Variants in ARL6 observed in about 807,000 individuals in gnomAD.
ARL6 encodes ARF like GTPase 6, also known as ADP-ribosylation factor-like protein 6.
A neutral mutation model predicts 27.1 loss-of-function variants in ARL6; 18 were observed. The observed-to-expected ratio is 0.66, with a 90% CI of 0.46 to 0.98. The LOEUF (loss-of-function observed/expected upper bound fraction) is 0.98. Ranked by LOEUF, ARL6 falls within the 50% of genes least tolerant of loss-of-function variation. The probability of loss-of-function intolerance (pLI) is 0.00; values close to 1 mark genes in which losing one functional copy is unlikely to be tolerated. For missense variants in ARL6, 187 were observed against 214.9 expected (o/e 0.87, Z 0.81); for synonymous variants, 65 against 72.3 (o/e 0.90, Z 0.51).
chr3:97,772,596 T>C (rs1270896458), intron 2 of ARL6, among the ~76,000 whole-genome samples: 1 of 151,752 alleles, frequency 6.6e-6, no homozygotes, highest in African/African-American at 2.4e-5. Flanking sequence ...AGGTGCATCA[T>C]TGGGTTATTT....
intron 1 of ARL6, among the ~76,000 whole-genome samples, chr3:97,766,300 A>G (rs962267844): frequency 6.6e-6 from 1 of 152,230 alleles, no homozygotes; most frequent in African/African-American, 2.4e-5. Context: ...ATCAAATGGT[A>G]TGTGTGAATT....
chr3:97,791,886 C>T, intron 7 of ARL6, 60 bp downstream of exon 7: 2 of 1,438,920 alleles, frequency 1.4e-6, no homozygotes, highest in Non-Finnish European at 1.9e-6. Flanking sequence ...ATATTTTTAT[C>T]TTTTTTTACA....
intron 7 of ARL6, among the ~76,000 whole-genome samples, chr3:97,796,452 A>G (rs72934164): frequency 0.086 from 13,023 of 152,122 alleles, 1,798 homozygotes; most frequent in African/African-American, 0.29. Flanking sequence ...GACAAAGAAT[A>G]GAAAATTTGA....
At chr3:97,785,430 C>T (rs958105491) in intron 5 of ARL6, among the ~76,000 whole-genome samples, 1 of 125,546 alleles carries the variant, frequency 8.0e-6, no homozygotes, top group African/African-American at 2.6e-5. Flanking sequence ...TCATGCATTT[C>T]TCTATGTGTA....
chr3:97,789,014 A>G (rs1011334099), intron 6 of ARL6, among the ~76,000 whole-genome samples: 2 of 152,268 alleles, frequency 1.3e-5, no homozygotes, highest in Middle Eastern at 3.4e-3. Context: ...CACTGCCACA[A>G]GAAGGGTGAA....
At chr3:97,781,348 G>A (rs2037190096) in intron 4 of ARL6, among the ~76,000 whole-genome samples, 1 of 144,850 alleles carries the variant, frequency 6.9e-6, no homozygotes. Flanking sequence ...CTTGGGTTCT[G>A]CATTCCTGGA....
rs79026360 is a variant in ARL6, at chr3:97,795,196, C to T, written c.536-2828C>T. Among the ~76,000 whole-genome samples, 4 of 152,264 alleles carry T rather than the reference C, an allele frequency of 2.6e-5. No individual in the cohort carries two copies. In the East Asian group the frequency reaches 7.7e-4, roughly 29 times the overall value. ...CTCAATAATCGTGTATGTAGAATAA[C>T]CCAAAGACAAGAACACTGAATAGAC... On this transcript the variant is annotated intron_variant, in intron 7 of 7. Transcript: ENST00000463745.
chr3:97,773,789 T>G (rs556521046), intron 2 of ARL6, among the ~76,000 whole-genome samples: 1 of 152,378 alleles, frequency 6.6e-6, no homozygotes, highest in African/African-American at 2.4e-5. Context: ...TTTGTTTCTG[T>G]AACTGGTCAT....
At chr3:97,774,502 G>T (rs1034520835) in intron 2 of ARL6, among the ~76,000 whole-genome samples, 2 of 152,076 alleles carry the variant, frequency 1.3e-5, no homozygotes, top group Non-Finnish European at 2.9e-5. Flanking sequence ...CAGCATGGGT[G>T]GGGGAGGGGA....
At chr3:97,788,305 T>G (rs1328047757) in intron 6 of ARL6, among the ~76,000 whole-genome samples, 186 bp downstream of exon 6, 1 of 152,200 alleles carries the variant, frequency 6.6e-6, no homozygotes, top group East Asian at 1.9e-4. Flanking sequence ...AAAACCTTTT[T>G]CAAATTTTTG....
chr3:97,796,299 T>C (rs2108106267), intron 7 of ARL6, among the ~76,000 whole-genome samples: 1 of 152,086 alleles, frequency 6.6e-6, no homozygotes, highest in Non-Finnish European at 1.5e-5. Context: ...GTTACTTTCA[T>C]GAATAAAGGC....
chr3:97,786,280 G>A (rs897723729), intron 5 of ARL6, among the ~76,000 whole-genome samples: 11 of 151,880 alleles, frequency 7.2e-5, no homozygotes, highest in African/African-American at 2.7e-4. Context: ...GGAAGGTGGA[G>A]GTTGCAGTGA....
chr3:97,779,559 C>T (rs36022509), intron 2 of ARL6, among the ~76,000 whole-genome samples: 6 of 152,060 alleles, frequency 3.9e-5, no homozygotes, highest in African/African-American at 1.2e-4. Flanking sequence ...TACAAACTCA[C>T]GTATGTGTTG....
At chr3:97,786,344 A>G (rs990845418) in intron 5 of ARL6, among the ~76,000 whole-genome samples, 1 of 152,064 alleles carries the variant, frequency 6.6e-6, no homozygotes, top group Admixed American at 6.5e-5. Context: ...AAAAAAAAAA[A>G]CAAAAAACTT....
At chr3:97,773,197 G>A (rs901903982) in intron 2 of ARL6, among the ~76,000 whole-genome samples, 2 of 152,156 alleles carry the variant, frequency 1.3e-5, no homozygotes, top group African/African-American at 2.4e-5. Context: ...CTTGGAGTCC[G>A]ATGTTCAAGG....
At position 97,783,288 on chromosome 3, in the gene ARL6, A is replaced by G. The variant is rs75906200; in HGVS notation, c.255-1667A>G. ...TTATATAACTAAGGAAAAAGGAACC[A>G]TCTAAATTATGTACCATGTATAATT... On this transcript the variant is annotated intron_variant, in intron 4 of 7. Transcript: ENST00000463745. Among the ~76,000 whole-genome samples, 733 of 151,936 alleles carry G rather than the reference A, an allele frequency of 4.8e-3. 10 individuals carry two copies. The highest frequency in any genetic ancestry group is 0.016 in the African/African-American group (665 of 41,546).
intron 2 of ARL6, among the ~76,000 whole-genome samples, chr3:97,775,442 C>T (rs573611526): frequency 1.1e-4 from 13 of 120,826 alleles, no homozygotes; most frequent in African/African-American, 3.4e-4. Flanking sequence ...GAGGCTAAGC[C>T]AGCCTAGCCT....
At chr3:97,788,460 C>A (rs1307845906) in intron 6 of ARL6, among the ~76,000 whole-genome samples, 1 of 152,096 alleles carries the variant, frequency 6.6e-6, no homozygotes, top group African/African-American at 2.4e-5. Context: ...TTGTATCCCC[C>A]TCCTTTGAAT....
At position 97,800,660 on chromosome 3, in the gene ARL6, T is replaced by A. The variant is rs961178579; in HGVS notation, c.*2611T>A. The A allele has an allele frequency of 6.6e-6, 1 of 152,230 alleles. No homozygotes were observed. Among genetic ancestry groups the A allele is most frequent in the Non-Finnish European group, 1.5e-5 (1 of 68,034 alleles). The allele number at this position is 152,230 out of a possible 1,614,324, so 9.4% of individuals were successfully genotyped here. On this transcript the variant is annotated 3_prime_UTR_variant, in exon 8 of 8. Coordinates refer to ENST00000463745, the MANE Select transcript of ARL6 (RefSeq NM_001278293.3). ...TATATCATGTTGTGATTTCCATAAA[T>A]ATGTGCAGTTACTCTTGATAATACT...
Sources: gnomAD v4.1 joint callset for allele counts (sites outside exome capture counted in the v4.1 genomes callset) on GRCh38, gnomAD v4.1.1 for gene constraint, MANE v1.5 for transcripts, NCBI Gene and HGNC (gene_info 2026-07-23, HGNC 2026-07-21) for gene names.